VRK2: variants seen among roughly 807,000 people sequenced by gnomAD.
The protein encoded by VRK2 is serine/threonine-protein kinase VRK2.
A neutral mutation model predicts 57.6 loss-of-function variants in VRK2; 60 were observed. That is an observed-to-expected ratio of 1.04 (90% confidence interval 0.85 to 1.29). VRK2 has a LOEUF of 1.29. Ranked by LOEUF, VRK2 falls within the 50% of genes most tolerant of loss-of-function variation. The pLI is 0.00. For missense variants in VRK2, 705 were observed against 588.1 expected, an observed-to-expected ratio of 1.20 and a Z score of -2.06; for synonymous variants, 231 against 199.2, an observed-to-expected ratio of 1.16 and a Z score of -1.35.
chr2:58,103,589 A>G (rs987357436), intron 7 of VRK2, among the ~76,000 whole-genome samples: 1 of 151,596 alleles, frequency 6.6e-6, no homozygotes, highest in Non-Finnish European at 1.5e-5. Flanking sequence ...GTAGCGAGAT[A>G]GAATCGGTAA....
At chr2:58,145,060 T>A (rs921194495) in intron 11 of VRK2, among the ~76,000 whole-genome samples, 1 of 151,972 alleles carries the variant, frequency 6.6e-6, no homozygotes, top group African/African-American at 2.4e-5. Context: ...GCCCCCTGTT[T>A]AACTCATGAA....
chr2:58,090,145 C>G (rs965187827), intron 7 of VRK2, among the ~76,000 whole-genome samples: 1 of 152,062 alleles, frequency 6.6e-6, no homozygotes, highest in South Asian at 2.1e-4. Context: ...CCTGTAATCC[C>G]AGCACTTTGA....
At chr2:57,923,523 G>GC (rs1670426118) in intron 1 of VRK2, among the ~76,000 whole-genome samples, 1 of 148,558 alleles carries the variant, frequency 6.7e-6, no homozygotes, top group African/African-American at 2.5e-5. Flanking sequence ...CCATTTGTAT[G>GC]TTTTTTTTTT....
intron 1 of VRK2, among the ~76,000 whole-genome samples, chr2:57,937,078 T>C (rs1301621675): frequency 6.6e-6 from 1 of 152,226 alleles, no homozygotes; most frequent in East Asian, 1.9e-4. Flanking sequence ...CAGACCAGGC[T>C]TGTACTTCAA....
chr2:57,919,405 G>T (rs549660093), intron 1 of VRK2, among the ~76,000 whole-genome samples: 1 of 151,916 alleles, frequency 6.6e-6, no homozygotes, highest in South Asian at 2.1e-4. Flanking sequence ...CTTTATAAAA[G>T]TGACTTTCGA....
chr2:58,155,623 G>C (rs745761681), intron 12 of VRK2, among the ~76,000 whole-genome samples: 2 of 151,980 alleles, frequency 1.3e-5, no homozygotes, highest in Non-Finnish European at 2.9e-5. Context: ...CGGTCAACAG[G>C]GCTCTACCTG....
rs115638283 is a variant in VRK2, at chr2:57,942,928, C to A, written c.-439+35089C>A. 4.8e-3 allele frequency among the ~76,000 whole-genome samples: 729 copies of A among 152,182 alleles called. 7 individuals are homozygous for A. The highest frequency in any genetic ancestry group is 0.016 in the African/African-American group (685 of 41,534). ...GTGGAATGCAGCACTTCTGACAATGCCTTAGGATTTTTTCTCTCCCTATAT... is the reference window on the plus strand; with the variant it reads ...GTGGAATGCAGCACTTCTGACAATGACTTAGGATTTTTTCTCTCCCTATAT... On this transcript the variant is annotated intron_variant, in intron 1 of 15. Coordinates refer to the VRK2 transcript ENST00000417641.
At chr2:58,135,351 G>A in intron 10 of VRK2, 152 bp downstream of exon 10, 3 of 710,112 alleles carry the variant, frequency 4.2e-6, no homozygotes, top group Admixed American at 2.8e-5. Flanking sequence ...AGTTGCTAAA[G>A]AACACAATGT....
intron 10 of VRK2, among the ~76,000 whole-genome samples, chr2:58,139,326 G>C (rs1444040568): frequency 3.3e-5 from 5 of 152,054 alleles, no homozygotes; most frequent in Admixed American, 2.0e-4. Flanking sequence ...AGTATGGTCA[G>C]TTGTATTATT....
chr2:58,142,447 G>C (rs1206293397), intron 11 of VRK2, among the ~76,000 whole-genome samples: 26 of 151,736 alleles, frequency 1.7e-4, no homozygotes, highest in Non-Finnish European at 1.5e-5. Context: ...TTTGTCAAGA[G>C]AGTAGTGATA....
chr2:58,123,794 G>T (rs1216429639), intron 8 of VRK2, among the ~76,000 whole-genome samples: 1 of 151,772 alleles, frequency 6.6e-6, no homozygotes, highest in Non-Finnish European at 1.5e-5. Context: ...GGTTGAGGCT[G>T]CAGTGAGCCA....
chr2:58,016,509 T>C (rs143679707), intron 1 of VRK2, among the ~76,000 whole-genome samples: 128 of 152,048 alleles, frequency 8.4e-4, no homozygotes, highest in African/African-American at 2.8e-3. Context: ...CACACCACCA[T>C]ACCCGGCTAA....
At chr2:58,046,779 G>A (rs902671455), upstream of VRK2, 10 of 985,520 alleles carry the variant, frequency 1.0e-5, no homozygotes, top group African/African-American at 1.7e-4. Flanking sequence ...CCGCCTCCCC[G>A]CGGGACTGTA....
At chr2:58,069,382 G>C (rs1274240714) in intron 2 of VRK2, among the ~76,000 whole-genome samples, 1 of 152,152 alleles carries the variant, frequency 6.6e-6, no homozygotes, top group Non-Finnish European at 1.5e-5. Flanking sequence ...GCTTGTGAGT[G>C]AGTCCAGGAG....
intron 1 of VRK2, among the ~76,000 whole-genome samples, chr2:57,943,059 G>C (rs1256366079): frequency 6.6e-6 from 1 of 152,104 alleles, no homozygotes; most frequent in South Asian, 2.1e-4. Context: ...AGTGTTTCAA[G>C]GACACTTCAC....
chr2:58,142,336 T>C (rs1681474455), intron 11 of VRK2, among the ~76,000 whole-genome samples: 1 of 151,818 alleles, frequency 6.6e-6, no homozygotes, highest in Non-Finnish European at 1.5e-5. Context: ...TTTTTTTTTT[T>C]TTCCAATACT....
chr2:57,962,483 G>A (rs544315787), intron 1 of VRK2, among the ~76,000 whole-genome samples: 10 of 152,036 alleles, frequency 6.6e-5, no homozygotes, highest in East Asian at 5.8e-4. Context: ...TAAACTGTAC[G>A]TCACAGAAGT....
intron 1 of VRK2, among the ~76,000 whole-genome samples, chr2:57,999,068 G>C (rs1182376926): frequency 6.6e-6 from 1 of 152,038 alleles, no homozygotes; most frequent in Admixed American, 6.6e-5. Flanking sequence ...GGTATAAGGG[G>C]GTGGGGGGAT....
intron 11 of VRK2, among the ~76,000 whole-genome samples, chr2:58,144,802 G>T (rs1414341927): frequency 6.6e-6 from 1 of 151,984 alleles, no homozygotes; most frequent in Non-Finnish European, 1.5e-5. Context: ...CAACTTTCAG[G>T]TTACTGAAAG....
Sources: gnomAD v4.1 joint callset for allele counts (sites outside exome capture counted in the v4.1 genomes callset) on GRCh38, gnomAD v4.1.1 for gene constraint, MANE v1.5 for transcripts, NCBI Gene and HGNC (gene_info 2026-07-23, HGNC 2026-07-21) for gene names.